The following PHACTR1 variants were observed in gnomAD, a reference collection of about 807,000 sequenced individuals.
The protein encoded by PHACTR1 is phosphatase and actin regulator 1, also known as RPEL repeat containing 1.
PHACTR1 carries 16 observed loss-of-function variants against 69.2 expected under a neutral mutation model. The observed-to-expected ratio is 0.23, with a 90% confidence interval of 0.16 to 0.35. The LOEUF (loss-of-function observed/expected upper bound fraction) is 0.35. Ranked by LOEUF, PHACTR1 falls within the 10% of genes least tolerant of loss-of-function variation. The probability of loss-of-function intolerance (pLI) is 1.00; values close to 1 mark genes in which losing one functional copy is unlikely to be tolerated. For missense variants in PHACTR1, 510 were observed against 734.7 expected (o/e 0.69, Z 3.54); for synonymous variants, 312 against 284.5 (o/e 1.10, Z -0.97).
At chr6:12,813,495 C>G (rs547007625) in intron 4 of PHACTR1, among the ~76,000 whole-genome samples, 8 of 152,226 alleles carry the variant, frequency 5.3e-5, no homozygotes, top group Non-Finnish European at 1.2e-4. Context: ...CAGCAGACCA[C>G]AGTCTAACAG....
chr6:12,863,919 G>A (rs1781185673), intron 4 of PHACTR1, among the ~76,000 whole-genome samples: 1 of 152,174 alleles, frequency 6.6e-6, no homozygotes, highest in South Asian at 2.1e-4. Context: ...TGATTCATGA[G>A]ATTAACTTAC....
At chr6:12,851,859 G>T (rs964147056) in intron 4 of PHACTR1, among the ~76,000 whole-genome samples, 4 of 151,906 alleles carry the variant, frequency 2.6e-5, no homozygotes, top group African/African-American at 9.7e-5. Context: ...ATTTAAGACA[G>T]AGTCTTACTC....
chr6:13,155,464 A>T (rs1223537), intron 5 of PHACTR1, among the ~76,000 whole-genome samples: 1 of 152,180 alleles, frequency 6.6e-6, no homozygotes, highest in Non-Finnish European at 1.5e-5. Context: ...ATGGGGGGTA[A>T]GTGTGCATAC....
intron 4 of PHACTR1, among the ~76,000 whole-genome samples, chr6:12,850,216 G>A (rs770286160): frequency 5.9e-5 from 9 of 152,058 alleles, no homozygotes; most frequent in African/African-American, 1.4e-4. Flanking sequence ...TCCTTCTTCC[G>A]TCACAACTTC....
At chr6:13,244,742 G>A (rs542950920) in intron 10 of PHACTR1, among the ~76,000 whole-genome samples, 1 of 152,166 alleles carries the variant, frequency 6.6e-6, no homozygotes, top group African/African-American at 2.4e-5. Flanking sequence ...CTTTTTTCAA[G>A]GTGCCCACAT....
At chr6:13,071,523 A>T (rs1365811349) in intron 5 of PHACTR1, among the ~76,000 whole-genome samples, 1 of 152,096 alleles carries the variant, frequency 6.6e-6, no homozygotes, top group Non-Finnish European at 1.5e-5. Flanking sequence ...GCCTCTGAGG[A>T]CTTTTCCTGT....
At chr6:13,003,415 G>A (rs1055765021) in intron 4 of PHACTR1, among the ~76,000 whole-genome samples, 1 of 152,092 alleles carries the variant, frequency 6.6e-6, no homozygotes, top group African/African-American at 2.4e-5. Context: ...ATTTGAGATA[G>A]AGTATTTGTT....
Position 13,184,750 on chromosome 6 carries a change from C to T in PHACTR1, c.664+2064C>T, listed in dbSNP as rs184986788. 5.6e-4 allele frequency: 750 copies of T among 1,334,214 alleles called. 6 individuals carry two copies. In the African/African-American group the frequency reaches 0.01, roughly 19 times the overall value. The allele number at this position is 1,334,214 out of a possible 1,614,324, so 82.6% of individuals were successfully genotyped here. ...CTGTGTTCCCCGCTGGCCCCGCCTG[C>T]ACTGCGTTTGTGTAATGTCTCCTGT... On this transcript the variant is annotated intron_variant, in intron 7 of 14. Transcript: ENST00000332995.
At chr6:13,204,750 C>G (rs1359725563) in intron 7 of PHACTR1, among the ~76,000 whole-genome samples, 2 of 152,202 alleles carry the variant, frequency 1.3e-5, no homozygotes, top group Non-Finnish European at 2.9e-5. Context: ...TGCACCCAAG[C>G]CAGGATCTGC....
chr6:13,105,290 G>A lies in PHACTR1; in HGVS notation c.415+51761G>A, dbSNP rs565183854. On this transcript the variant is annotated intron_variant, in intron 5 of 14. Transcript: ENST00000332995. ...GCTACACTGGTAGCTGAGTTGGGGGGATCACTTGTGCCCAGAGGGTTGAGG... is the reference window on the plus strand; with the variant it reads ...GCTACACTGGTAGCTGAGTTGGGGGAATCACTTGTGCCCAGAGGGTTGAGG... Among the ~76,000 whole-genome samples, 13 of 152,182 alleles carry A rather than the reference G, an allele frequency of 8.5e-5. No homozygotes were observed. The South Asian group carries it at 2.5e-3, about 29-fold the overall frequency.
intron 3 of PHACTR1, among the ~76,000 whole-genome samples, chr6:12,748,154 T>C (rs1244290591): frequency 2.0e-5 from 3 of 152,022 alleles, no homozygotes; most frequent in Admixed American, 6.6e-5. Context: ...CACGGGAAGA[T>C]TAAACAGAAT....
At chr6:12,833,980 C>T (rs1777873611) in intron 4 of PHACTR1, among the ~76,000 whole-genome samples, 2 of 152,144 alleles carry the variant, frequency 1.3e-5, no homozygotes, top group African/African-American at 4.8e-5. Flanking sequence ...ATCAAGGTCT[C>T]AGTTTGGAGC....
In PHACTR1 at chr6:13,246,005, G is replaced by C. The variant is rs1773533357; in HGVS notation, c.1391+15812G>C. On this transcript the variant is annotated intron_variant, in intron 10 of 14. Transcript: ENST00000332995. This position sits in a 1 kb window ranked among gnomAD's most constrained non-coding sequence, Gnocchi z 4.2. ...CACTGCATCTAGCCTTAATTTTACAGGTAAATGGCTGATAGAGGCTACACT... is the reference window on the plus strand; with the variant it reads ...CACTGCATCTAGCCTTAATTTTACACGTAAATGGCTGATAGAGGCTACACT... Among the ~76,000 whole-genome samples, 1 of 152,074 alleles carries C rather than the reference G, an allele frequency of 6.6e-6. No homozygotes were observed. Among genetic ancestry groups the C allele is most frequent in the Non-Finnish European group, 1.5e-5 (1 of 68,020 alleles).
Position 13,179,063 on chromosome 6 carries a change from C to T in PHACTR1, c.497-3456C>T, listed in dbSNP as rs1038146049. ...TGAGGCTGGGCAACATGGCAAAACC[C>T]TGTCTCTACAAAAAATATAAAAATT... On this transcript the variant is annotated intron_variant, in intron 6 of 14. Coordinates refer to ENST00000332995, the MANE Select transcript of PHACTR1 (RefSeq NM_030948.6). The surrounding 1 kb of genome is among the most constrained non-coding windows in gnomAD (Gnocchi z 4.2). Among the ~76,000 whole-genome samples the T allele has an allele frequency of 8.5e-5, 13 of 152,130 alleles. No homozygotes were observed. The highest frequency in any genetic ancestry group is 2.9e-4 in the African/African-American group (12 of 41,420).
chr6:12,840,806 A>G (rs1052213128), intron 4 of PHACTR1, among the ~76,000 whole-genome samples: 6 of 152,184 alleles, frequency 3.9e-5, no homozygotes, highest in Admixed American at 2.0e-4. Context: ...TTTTTGTTCA[A>G]ATTTCCAGGG....
chr6:13,252,364 G>T (rs946007719), intron 10 of PHACTR1, among the ~76,000 whole-genome samples: 1 of 146,718 alleles, frequency 6.8e-6, no homozygotes, highest in Non-Finnish European at 1.5e-5. Context: ...AGAAAGAAAA[G>T]AAAAAAGTCT....
At chr6:13,086,703 C>T (rs971903518) in intron 5 of PHACTR1, among the ~76,000 whole-genome samples, 1 of 151,566 alleles carries the variant, frequency 6.6e-6, no homozygotes, top group African/African-American at 2.4e-5. Context: ...CCATAGTTTA[C>T]CCATTTGACC....
chr6:12,902,390 T>C (rs1785299831), intron 4 of PHACTR1, among the ~76,000 whole-genome samples: 1 of 152,136 alleles, frequency 6.6e-6, no homozygotes, highest in Non-Finnish European at 1.5e-5. Context: ...ACAACTGCAC[T>C]CCAGCCTGGG....
intron 4 of PHACTR1, among the ~76,000 whole-genome samples, chr6:12,791,849 G>A (rs904950463): frequency 9.2e-5 from 14 of 152,108 alleles, no homozygotes; most frequent in South Asian, 6.2e-4. Flanking sequence ...AAAAATCCCC[G>A]CTTGCCTGAG....
Sources: gnomAD v4.1 joint callset for allele counts (sites outside exome capture counted in the v4.1 genomes callset) on GRCh38, gnomAD v4.1.1 for gene constraint, Gnocchi (gnomAD v3.1) non-coding constraint, MANE v1.5 for transcripts, NCBI Gene and HGNC (gene_info 2026-07-23, HGNC 2026-07-21) for gene names.